OSTF1: variants seen among roughly 807,000 people sequenced by gnomAD.
OSTF1 encodes the protein osteoclast-stimulating factor 1.
OSTF1 carries 27 observed loss-of-function variants against 37.2 expected under a neutral mutation model. That is an observed-to-expected ratio of 0.73 (90% CI 0.54 to 1.00). The LOEUF (loss-of-function observed/expected upper bound fraction) is 1.00, where lower values mean the gene tolerates loss of function less well. Ranked by LOEUF, OSTF1 falls within the 50% of genes least tolerant of loss-of-function variation. The pLI is 0.00. For missense variants in OSTF1, 232 were observed against 253.8 expected (o/e 0.91, Z 0.58); for synonymous variants, 82 against 89.2 (o/e 0.92, Z 0.46).
intron 1 of OSTF1, among the ~76,000 whole-genome samples, chr9:75,096,902 C>T (rs1222455973): frequency 6.6e-6 from 1 of 152,132 alleles, no homozygotes; most frequent in South Asian, 2.1e-4. Flanking sequence ...AAACCAAACT[C>T]TTATGCTTAT....
At chr9:75,135,397 G>A (rs1427082156) in intron 7 of OSTF1, among the ~76,000 whole-genome samples, 1 of 152,092 alleles carries the variant, frequency 6.6e-6, no homozygotes, top group Non-Finnish European at 1.5e-5. Flanking sequence ...TTATGATGAT[G>A]TGCTAGCATT....
At chr9:75,137,979 C>T (rs1291685861) in intron 8 of OSTF1, among the ~76,000 whole-genome samples, 6 of 152,104 alleles carry the variant, frequency 3.9e-5, no homozygotes, top group Non-Finnish European at 7.3e-5. Context: ...TGCTGAGGCC[C>T]CTGTTCTCAC....
chr9:75,104,028 G>A (rs1825241425), intron 1 of OSTF1, among the ~76,000 whole-genome samples: 1 of 152,042 alleles, frequency 6.6e-6, no homozygotes. Context: ...AGGAGTTCAA[G>A]GGCAGCCTGT....
chr9:75,099,282 A>C (rs1288241348), intron 1 of OSTF1, among the ~76,000 whole-genome samples: 1 of 150,866 alleles, frequency 6.6e-6, no homozygotes, highest in East Asian at 2.0e-4. Context: ...TTTTTTAATT[A>C]AGAAAAGGTC....
intron 7 of OSTF1, among the ~76,000 whole-genome samples, chr9:75,136,365 A>C (rs1825843115): frequency 6.6e-6 from 1 of 152,052 alleles, no homozygotes; most frequent in African/African-American, 2.4e-5. Context: ...TAGGCTTTCC[A>C]CGAACACTTG....
chr9:75,138,276 C>A (rs902006794), intron 8 of OSTF1, among the ~76,000 whole-genome samples: 1 of 152,160 alleles, frequency 6.6e-6, no homozygotes, highest in East Asian at 1.9e-4. Context: ...GAATTACCCT[C>A]ATTAGGGATC....
intron 1 of OSTF1, among the ~76,000 whole-genome samples, chr9:75,091,842 C>T (rs1287331619): frequency 6.6e-6 from 1 of 152,136 alleles, no homozygotes; most frequent in Non-Finnish European, 1.5e-5. Context: ...CAGCTGCAAG[C>T]AGAGAGAAAA....
intron 1 of OSTF1, among the ~76,000 whole-genome samples, chr9:75,106,684 G>A (rs574625979): frequency 9.4e-5 from 14 of 148,196 alleles, no homozygotes; most frequent in Non-Finnish European, 1.9e-4. Context: ...TGCCGGGCGT[G>A]GTGGCTCACA....
intron 1 of OSTF1, among the ~76,000 whole-genome samples, chr9:75,114,529 A>T (rs961242156): frequency 1.3e-5 from 2 of 150,260 alleles, no homozygotes; most frequent in Admixed American, 6.7e-5. Flanking sequence ...CTGGTTTCAG[A>T]CTTTTAAATT....
At chr9:75,090,357 A>C (rs1322467278) in intron 1 of OSTF1, among the ~76,000 whole-genome samples, 1 of 151,584 alleles carries the variant, frequency 6.6e-6, no homozygotes, top group Non-Finnish European at 1.5e-5. Flanking sequence ...ATGTGGGTTC[A>C]TTCACACTTG....
chr9:75,141,968 G>C (rs1226580176), intron 9 of OSTF1, among the ~76,000 whole-genome samples: 1 of 151,962 alleles, frequency 6.6e-6, no homozygotes, highest in Non-Finnish European at 1.5e-5. Context: ...GGTTGGTCTC[G>C]AACTCATGGA....
At chr9:75,090,669 T>C (rs1308313878) in intron 1 of OSTF1, among the ~76,000 whole-genome samples, 2 of 151,702 alleles carry the variant, frequency 1.3e-5, no homozygotes, top group African/African-American at 4.8e-5. Flanking sequence ...GCTAGCTTAG[T>C]TGAAGAAAAA....
intron 5 of OSTF1, among the ~76,000 whole-genome samples, chr9:75,132,951 A>G (rs1825783474): frequency 6.9e-6 from 1 of 144,946 alleles, no homozygotes; most frequent in South Asian, 2.2e-4. Flanking sequence ...GAAAAAAATA[A>G]TATATACACA....
In OSTF1 at chr9:75,147,033, ATTTTTTT is replaced by A. The variant is rs34855201; in HGVS notation, c.*308_*314del. The A allele has an allele frequency of 9.3e-6, 1 of 107,898 alleles. No homozygotes were observed. The highest frequency in any genetic ancestry group is 3.8e-5 in the African/African-American group (1 of 26,574). The allele number at this position is 107,898 out of a possible 1,614,324, so 6.7% of individuals were successfully genotyped here. A position where few individuals can be genotyped will look rare whatever the true frequency, so the allele number is the denominator to read the frequency against. On this transcript the variant is annotated 3_prime_UTR_variant, in exon 10 of 10. Coordinates refer to ENST00000346234, the MANE Select transcript of OSTF1 (RefSeq NM_012383.5). ...TTTTTTTCTTTAAAAACAAATTAGG[ATTTTTTT>A]TTTTTTTTTTTTTTTAGTTAAAATG...
At chr9:75,140,641 A>C (rs1197918497) in intron 8 of OSTF1, among the ~76,000 whole-genome samples, 193 bp from the exon 9 acceptor site, 1 of 152,228 alleles carries the variant, frequency 6.6e-6, no homozygotes, top group Non-Finnish European at 1.5e-5. Flanking sequence ...TCACAGGTGC[A>C]GCAACAAGCT....
At chr9:75,113,232 T>G (rs1189479865) in intron 1 of OSTF1, among the ~76,000 whole-genome samples, 1 of 152,100 alleles carries the variant, frequency 6.6e-6, no homozygotes, top group African/African-American at 2.4e-5. Flanking sequence ...TTTCGTTGAT[T>G]ATAAAGGTAA....
At chr9:75,143,507 A>C (rs1008525837) in intron 9 of OSTF1, among the ~76,000 whole-genome samples, 5 of 152,154 alleles carry the variant, frequency 3.3e-5, no homozygotes, top group African/African-American at 1.2e-4. Flanking sequence ...TTCTCTCACC[A>C]TAGATTAGTT....
At position 75,092,538 on chromosome 9, in the gene OSTF1, G is replaced by GT. The variant is rs892605940; in HGVS notation, c.34+3820dup. On this transcript the variant is annotated intron_variant, in intron 1 of 9. Coordinates refer to ENST00000346234, the MANE Select transcript of OSTF1 (RefSeq NM_012383.5). ...GTGGATGGCTGATCTCATTCATTTT[G>GT]TTTTTTTTAAAAAAGCTTGTAAGTA... Among the ~76,000 whole-genome samples the GT allele has an allele frequency of 1.7e-4, 26 of 151,392 alleles. 1 individual carries two copies. The East Asian group carries it at 3.5e-3, about 20-fold the overall frequency.
chr9:75,118,108 A>G (rs747850395), intron 2 of OSTF1, among the ~76,000 whole-genome samples: 20 of 152,212 alleles, frequency 1.3e-4, no homozygotes, highest in Non-Finnish European at 2.4e-4. Context: ...TCCAGTGGAG[A>G]GAGACAGAGA....
Sources: gnomAD v4.1 joint callset for allele counts (sites outside exome capture counted in the v4.1 genomes callset) on GRCh38, gnomAD v4.1.1 for gene constraint, MANE v1.5 for transcripts, NCBI Gene and HGNC (gene_info 2026-07-23, HGNC 2026-07-21) for gene names.